Variants in ADARB2 observed in about 807,000 individuals in gnomAD.
ADARB2 encodes the protein inactive double-stranded RNA-specific editase B2.
Under a neutral mutation model 62.2 loss-of-function variants are expected in ADARB2, and 25 were observed. That is an observed-to-expected ratio of 0.40 (90% CI 0.29 to 0.56). The LOEUF is 0.56. Among genes scored for constraint, ADARB2 ranks in the 20% least tolerant of loss-of-function variants. The pLI is 0.43. For missense variants in ADARB2, 1,071 were observed against 1,077.4 expected, an observed-to-expected ratio of 0.99 and a Z score of 0.08; for synonymous variants, 572 against 500.8, an observed-to-expected ratio of 1.14 and a Z score of -1.90.
chr10:1,366,441 C>G (rs1345227970), intron 2 of ADARB2, among the ~76,000 whole-genome samples: 1 of 152,146 alleles, frequency 6.6e-6, no homozygotes, highest in Non-Finnish European at 1.5e-5. Flanking sequence ...CTACAAAATA[C>G]TCTGAGAATT....
intron 3 of ADARB2, among the ~76,000 whole-genome samples, chr10:1,326,282 C>A (rs560615245): frequency 6.6e-6 from 1 of 152,272 alleles, no homozygotes; most frequent in East Asian, 1.9e-4. Context: ...TGGGGAAGTG[C>A]CTTGGTAACT....
chr10:1,220,340 ATGGTGATTG>A lies in ADARB2; in HGVS notation c.1514-3230_1514-3222del, dbSNP rs1332213454. On this transcript the variant is annotated intron_variant, in intron 6 of 9. Coordinates refer to ENST00000381312, the MANE Select transcript of ADARB2 (RefSeq NM_018702.4). Reference sequence around the variant, plus strand: ...ATGGTGATGGTGGTGGTGATGGATGATGGTGATTGTGGTGATGATGGTGATGATGATGGT... The same window carrying A: ...ATGGTGATGGTGGTGGTGATGGATGATGGTGATGATGGTGATGATGATGGT... 1.8e-4 allele frequency among the ~76,000 whole-genome samples: 19 copies of A among 106,406 alleles called. No individual in the cohort carries two copies. In the East Asian group the frequency reaches 6.1e-3, roughly 34 times the overall value. 69.8% of individuals were successfully genotyped at this position (106,406 alleles called of 152,430 possible).
At chr10:1,513,683 C>T (rs977148247) in intron 1 of ADARB2, among the ~76,000 whole-genome samples, 2 of 152,226 alleles carry the variant, frequency 1.3e-5, no homozygotes, top group Admixed American at 1.3e-4. Context: ...TGCTCAGAAG[C>T]TCAGCGCCTG....
At chr10:1,356,379 G>T (rs192300248) in intron 3 of ADARB2, among the ~76,000 whole-genome samples, 248 of 152,332 alleles carry the variant, frequency 1.6e-3, no homozygotes, top group African/African-American at 5.2e-3. Flanking sequence ...AGCTGGGGTG[G>T]AAGGGCGTCC....
At chr10:1,295,973 G>A (rs4880813) in intron 3 of ADARB2, among the ~76,000 whole-genome samples, 31,356 of 152,128 alleles carry the variant, frequency 0.21, 3,963 homozygotes, top group Middle Eastern at 0.36. Context: ...CCTGTGGTTG[G>A]ACTGGGGTGG....
intron 6 of ADARB2, among the ~76,000 whole-genome samples, chr10:1,219,203 A>G (rs1830660014): frequency 6.6e-6 from 1 of 152,140 alleles, no homozygotes; most frequent in African/African-American, 2.4e-5. Flanking sequence ...AGCCTGTGGA[A>G]CCTCAAGCCA....
chr10:1,242,015 C>T lies in ADARB2; in HGVS notation c.1361+116G>A. ...ATAAAAAGGGATGCTTTCTGGCTCA[C>T]CCTGTGCCAGGATAGAGGGAAGCGT... On this transcript the variant is annotated intron_variant, in intron 5 of 9. Transcript: ENST00000381312. 10 of 1,153,778 alleles carry T rather than the reference C, an allele frequency of 8.7e-6. No individual in the cohort carries two copies. The South Asian group carries it at 1.4e-4, about 16-fold the overall frequency. 71.5% of individuals were successfully genotyped at this position (1,153,778 alleles called of 1,614,324 possible).
rs577037800 is a variant in ADARB2, at chr10:1,606,879, G to A, written c.100+130172C>T. ...GAGGTTCACATTACCCCAGTGAAAC[G>A]GCCTGTGCTGTTGTGCCATTTTGTA... On this transcript the variant is annotated intron_variant, in intron 1 of 9. Coordinates refer to ENST00000381312, the MANE Select transcript of ADARB2 (RefSeq NM_018702.4). 5.3e-5 allele frequency among the ~76,000 whole-genome samples: 8 copies of A among 152,240 alleles called. No individual in the cohort carries two copies. The East Asian group carries it at 5.8e-4, about 11-fold the overall frequency.
chr10:1,498,730 T>G (rs1192682576), intron 1 of ADARB2, among the ~76,000 whole-genome samples: 1 of 152,212 alleles, frequency 6.6e-6, no homozygotes, highest in Non-Finnish European at 1.5e-5. Context: ...AGACATATAC[T>G]TTTGTATAAA....
At chr10:1,399,963 C>A (rs2131871252) in intron 1 of ADARB2, among the ~76,000 whole-genome samples, 1 of 152,324 alleles carries the variant, frequency 6.6e-6, no homozygotes, top group Non-Finnish European at 1.5e-5. Context: ...TGGGAGGTGC[C>A]AGTGCAGCCA....
chr10:1,200,369 A>G (rs1836970630), intron 7 of ADARB2: 1 of 596,990 alleles, frequency 1.7e-6, no homozygotes, highest in Admixed American at 3.0e-5. Flanking sequence ...GTGCTAACAA[A>G]TGCTGCTCTC....
intron 1 of ADARB2, among the ~76,000 whole-genome samples, chr10:1,577,662 G>A (rs1215107844): frequency 6.6e-6 from 1 of 152,140 alleles, no homozygotes; most frequent in Non-Finnish European, 1.5e-5. Context: ...AAGGACGGTG[G>A]GTGGAGCGAA....
chr10:1,538,028 C>T (rs1175785748), intron 1 of ADARB2, among the ~76,000 whole-genome samples: 1 of 152,198 alleles, frequency 6.6e-6, no homozygotes, highest in African/African-American at 2.4e-5. Flanking sequence ...GAACTGCAAG[C>T]AGTAGCTCCT....
intron 1 of ADARB2, among the ~76,000 whole-genome samples, chr10:1,698,287 G>A (rs1478687210): frequency 1.3e-5 from 2 of 152,180 alleles, no homozygotes; most frequent in Non-Finnish European, 2.9e-5. Context: ...GCAGGTGCGG[G>A]ACACGGAACA....
intron 1 of ADARB2, among the ~76,000 whole-genome samples, chr10:1,728,723 TAATA>T (rs1835196565): frequency 6.6e-6 from 1 of 152,232 alleles, no homozygotes; most frequent in South Asian, 2.1e-4. Context: ...CCTAAATGGC[TAATA>T]AATATTTCCC....
intron 1 of ADARB2, among the ~76,000 whole-genome samples, chr10:1,654,254 T>C (rs1468125069): frequency 6.6e-6 from 1 of 152,140 alleles, no homozygotes; most frequent in Non-Finnish European, 1.5e-5. Flanking sequence ...GAGGCTTGCA[T>C]TTCAGGCTCA....
intron 1 of ADARB2, among the ~76,000 whole-genome samples, chr10:1,404,878 G>A (rs1167205921): frequency 6.6e-6 from 1 of 152,220 alleles, no homozygotes; most frequent in East Asian, 1.9e-4. Flanking sequence ...TGAATTCCCC[G>A]GGAGCTCACG....
chr10:1,244,074 C>G lies in ADARB2; in HGVS notation c.1193-1775G>C, dbSNP rs56801098. ...CCTCCTCTCTCAGCCATCCTGGGTG[C>G]GGGGGCTGCCCCCTAGCGGGGGTCC... is the stretch of plus-strand genomic sequence containing the variant. On this transcript the variant is annotated intron_variant, in intron 4 of 9. Coordinates refer to ENST00000381312, the MANE Select transcript of ADARB2 (RefSeq NM_018702.4). 6.9e-3 allele frequency among the ~76,000 whole-genome samples: 1,048 copies of G among 152,310 alleles called. 15 individuals carry two copies. Among genetic ancestry groups the G allele is most frequent in the African/African-American group, 0.024 (977 of 41,560 alleles).
chr10:1,220,057 GTGGTGATGATGGTGA>G (rs1830672965), intron 6 of ADARB2, among the ~76,000 whole-genome samples: 1 of 142,962 alleles, frequency 7.0e-6, no homozygotes, highest in South Asian at 2.3e-4. Flanking sequence ...GATGGTGGTG[GTGGTGATGATGGTGA>G]TGGTGATGAT....
Sources: allele counts gnomAD v4.1 joint callset (sites outside exome capture counted in the v4.1 genomes callset), GRCh38; gene constraint gnomAD v4.1.1; transcripts MANE v1.5; gene names NCBI Gene and HGNC (gene_info 2026-07-23, HGNC 2026-07-21).